Variants in CUL1 observed in about 807,000 individuals in gnomAD.
CUL1 encodes the protein cullin-1.
CUL1 carries 24 observed loss-of-function variants against 118.0 expected under a neutral mutation model. The ratio of observed to expected loss-of-function variants is 0.20; its 90% CI spans 0.15 to 0.29. The LOEUF (loss-of-function observed/expected upper bound fraction) is 0.29. Ranked by LOEUF, CUL1 falls within the 10% of genes least tolerant of loss-of-function variation. CUL1 has a pLI of 1.00. For missense variants in CUL1, 361 were observed against 933.8 expected (o/e 0.39, Z 7.99); for synonymous variants, 332 against 340.4 (o/e 0.98, Z 0.27).
chr7:148,782,458 AATATT>A (rs1800673020), intron 9 of CUL1, among the ~76,000 whole-genome samples: 1 of 152,212 alleles, frequency 6.6e-6, no homozygotes, highest in Non-Finnish European at 1.5e-5. Flanking sequence ...GTAATTTTAA[AATATT>A]AAATATCTGC....
chr7:148,792,901 G>A, intron 17 of CUL1, 83 bp downstream of exon 17: 1 of 928,092 alleles, frequency 1.1e-6, no homozygotes, highest in Admixed American at 2.3e-5. Context: ...TAAGGAAGAG[G>A]ATATGGGCAT....
intron 9 of CUL1, among the ~76,000 whole-genome samples, chr7:148,773,870 C>T (rs1194582171): frequency 6.6e-6 from 1 of 152,178 alleles, no homozygotes; most frequent in East Asian, 1.9e-4. Flanking sequence ...GTTTATGTGA[C>T]ACTGCTTTAT....
chr7:148,730,311 A>G, intron 2 of CUL1, 49 bp downstream of exon 2: 2 of 1,532,910 alleles, frequency 1.3e-6, no homozygotes, highest in East Asian at 4.6e-5. Flanking sequence ...TTGATTATTT[A>G]CTAGTATGAC....
At chr7:148,715,816 A>C (rs1798196721) in intron 1 of CUL1, among the ~76,000 whole-genome samples, 1 of 152,130 alleles carries the variant, frequency 6.6e-6, no homozygotes, top group Non-Finnish European at 1.5e-5. Flanking sequence ...TCTTCTTTCT[A>C]GTTTCAGGCT....
intron 9 of CUL1, among the ~76,000 whole-genome samples, chr7:148,782,778 G>A (rs1048228713): frequency 7.2e-5 from 11 of 152,266 alleles, no homozygotes; most frequent in Admixed American, 3.3e-4. Flanking sequence ...GGTAGAATTG[G>A]GAATGCTGAT....
intron 17 of CUL1, 95 bp from the exon 18 acceptor site, chr7:148,797,717 T>G: frequency 1.1e-6 from 1 of 883,720 alleles, no homozygotes; most frequent in Non-Finnish European, 1.7e-6. Flanking sequence ...TTTTTTTTTT[T>G]TTAATGGAAA....
chr7:148,730,275 C>T lies in CUL1; in HGVS notation c.140+13C>T, dbSNP rs1184220858. 1.3e-6 allele frequency: 2 copies of T among 1,597,778 alleles called. No homozygotes were observed. The highest frequency in any genetic ancestry group is 3.5e-5 in the Admixed American group (2 of 57,024). ...TGGAGCTCTACACGTATCCTCCTGC[C>T]TAGCGCAGGTTGATTGCTTAGAGTT... On this transcript the variant is annotated intron_variant, in intron 2 of 21. Transcript: ENST00000325222.
chr7:148,780,457 T>C (rs1166852499), intron 9 of CUL1, among the ~76,000 whole-genome samples: 2 of 152,230 alleles, frequency 1.3e-5, no homozygotes, highest in Non-Finnish European at 2.9e-5. Context: ...ACAGGATTCA[T>C]GAGTCGGAAA....
intron 1 of CUL1, among the ~76,000 whole-genome samples, chr7:148,709,346 G>C (rs928161048): frequency 6.6e-5 from 10 of 151,976 alleles, no homozygotes; most frequent in African/African-American, 2.4e-4. Flanking sequence ...ATATTTTTCA[G>C]AAGTTTATTT....
At chr7:148,716,107 T>G (rs1244861600) in intron 1 of CUL1, among the ~76,000 whole-genome samples, 1 of 152,212 alleles carries the variant, frequency 6.6e-6, no homozygotes, top group Admixed American at 6.6e-5. Flanking sequence ...TTGCTTGAGA[T>G]CCTGCAGGCC....
At chr7:148,720,880 G>T (rs1262398248) in intron 1 of CUL1, among the ~76,000 whole-genome samples, 2 of 152,192 alleles carry the variant, frequency 1.3e-5, no homozygotes, top group African/African-American at 4.8e-5. Context: ...CTGTAGAAAT[G>T]TATTATTAAA....
At chr7:148,792,694 C>T in intron 16 of CUL1, 32 bp from the exon 17 acceptor site, 1 of 1,556,474 alleles carries the variant, frequency 6.4e-7, no homozygotes, top group African/African-American at 1.4e-5. Flanking sequence ...GTAAATTTTC[C>T]TTCTTTTTCT....
intron 11 of CUL1, 98 bp downstream of exon 11, chr7:148,784,175 T>A (rs1800745102): frequency 6.2e-6 from 6 of 967,550 alleles, no homozygotes; most frequent in Non-Finnish European, 9.5e-6. Context: ...TACATTAAAT[T>A]GGAATTTTTG....
intron 17 of CUL1, 75 bp from the exon 18 acceptor site, chr7:148,797,737 G>A (rs753854302): frequency 2.3e-4 from 226 of 972,938 alleles, no homozygotes; most frequent in Non-Finnish European, 3.4e-4. Context: ...AATGGACTGT[G>A]AGGTTGCCTG....
chr7:148,757,059 A>G lies in CUL1; in HGVS notation c.392A>G (p.Lys131Arg). 1 of 1,609,016 alleles carries G rather than the reference A, an allele frequency of 6.2e-7. No individual in the cohort carries two copies. Among genetic ancestry groups the G allele is most frequent in the Non-Finnish European group, 8.5e-7 (1 of 1,177,926 alleles). Reference sequence around the variant, plus strand: ...TGGGAAGATTATCGATTTTCAAGCAAAGTGCTGAATGGAATTTGTGCCTAC... The same window carrying G: ...TGGGAAGATTATCGATTTTCAAGCAGAGTGCTGAATGGAATTTGTGCCTAC... ...QQWEDYRFSSKVLNGICAYLN... is the reference protein window; with the variant it reads ...QQWEDYRFSSRVLNGICAYLN... The change falls in exon 4 of 22, where the codon AAA becomes AGA. Residue 131 changes from lysine to arginine, a missense_variant. By Grantham distance (26) the Lys-to-Arg change is conservative. Around this residue, in one of 7 missense-constraint regions of CUL1, gnomAD observed 169 missense variants for 429.7 expected, o/e 0.39. Transcript: ENST00000325222.
intron 1 of CUL1, among the ~76,000 whole-genome samples, chr7:148,708,883 T>G (rs1248697646): frequency 1.3e-5 from 2 of 152,244 alleles, no homozygotes; most frequent in African/African-American, 2.4e-5. Flanking sequence ...TTTGCCATAA[T>G]AAATTATAAA....
intron 2 of CUL1, among the ~76,000 whole-genome samples, chr7:148,733,036 A>G (rs1765121084): frequency 6.6e-6 from 1 of 152,144 alleles, no homozygotes; most frequent in Non-Finnish European, 1.5e-5. Flanking sequence ...GGCTGGTGGT[A>G]GTCACCTTTC....
chr7:148,748,988 T>A (rs1226370384), intron 2 of CUL1, among the ~76,000 whole-genome samples: 1 of 152,136 alleles, frequency 6.6e-6, no homozygotes, highest in East Asian at 1.9e-4. Flanking sequence ...TAGAAGAAAC[T>A]CTAGTATTAG....
At chr7:148,780,525 C>T (rs564905667) in intron 9 of CUL1, among the ~76,000 whole-genome samples, 11 of 152,282 alleles carry the variant, frequency 7.2e-5, no homozygotes, top group Non-Finnish European at 1.2e-4. Flanking sequence ...TGGCACTTGC[C>T]GAGAAGAGCT....
Sources: allele counts gnomAD v4.1 joint callset (sites outside exome capture counted in the v4.1 genomes callset), GRCh38; gene constraint gnomAD v4.1.1; regional missense constraint gnomAD v4.1.1; transcripts MANE v1.5; gene names NCBI Gene and HGNC (gene_info 2026-07-23, HGNC 2026-07-21).